Variants in CDV3 observed in about 807,000 individuals in gnomAD.
The protein encoded by CDV3 is CDV3 homolog, also known as protein CDV3 homolog.
A neutral mutation model predicts 24.5 loss-of-function variants in CDV3; 14 were observed. The observed-to-expected ratio is 0.57, with a 90% CI of 0.38 to 0.89. CDV3 has a LOEUF of 0.89. CDV3 is among the 40% of genes least tolerant of loss of function. The pLI, the probability that CDV3 is intolerant of heterozygous loss-of-function variation, is 0.00. For synonymous variants in CDV3, 114 were observed against 114.1 expected (o/e 1.00, Z 0.00); for missense variants, 304 against 310.2 (o/e 0.98, Z 0.15).
At chr3:133,574,699 A>C (rs1372276662) in intron 1 of CDV3, 3 of 1,065,840 alleles carry the variant, frequency 2.8e-6, no homozygotes, top group African/African-American at 3.4e-5. Context: ...GTGATGACTT[A>C]GTCTCTAAGC....
chr3:133,580,618 C>T (rs2074976176), intron 2 of CDV3, among the ~76,000 whole-genome samples: 1 of 152,082 alleles, frequency 6.6e-6, no homozygotes, highest in African/African-American at 2.4e-5. Context: ...AGAAGAATTG[C>T]TTGAACCCGG....
chr3:133,587,461 T>G, intron 4 of CDV3: 1 of 1,143,384 alleles, frequency 8.7e-7, no homozygotes, highest in African/African-American at 1.6e-5. Flanking sequence ...TTACCTGATC[T>G]AATCAGATCC....
rs375682624 is a variant in CDV3, at chr3:133,586,584, C to T, written c.488C>T (p.Ala163Val). Residue 163 changes from alanine (A) to valine (V), a missense_variant, in exon 4 of 5, where the codon GCG (alanine) becomes GTG (valine). Ala to Val is a moderately conservative substitution (Grantham distance 64, BLOSUM62 0). Coordinates refer to ENST00000264993, the MANE Select transcript of CDV3 (RefSeq NM_017548.5). ...TTAGTTACAGAAACCCCAGAACCAGCGATGACTAGTGGTGTGTATAGGCCT... is the reference window on the plus strand; with the variant it reads ...TTAGTTACAGAAACCCCAGAACCAGTGATGACTAGTGGTGTGTATAGGCCT... ...PVIVTETPEP[A>V]MTSGVYRPPG... 7.6e-6 allele frequency: 12 copies of T among 1,588,684 alleles called. No individual in the cohort carries two copies. The highest frequency in any genetic ancestry group is 4.0e-5 in the African/African-American group (3 of 74,302).
chr3:133,579,038 A>G (rs1013083606), intron 2 of CDV3, among the ~76,000 whole-genome samples: 7 of 152,240 alleles, frequency 4.6e-5, no homozygotes, highest in African/African-American at 7.2e-5. Flanking sequence ...TAGAGCCTCT[A>G]GAATCCCACA....
At chr3:133,586,802 C>A in intron 4 of CDV3, 80 bp downstream of exon 4, 1 of 834,162 alleles carries the variant, frequency 1.2e-6, no homozygotes, top group South Asian at 1.5e-5. Flanking sequence ...ATGTGCATAC[C>A]CACCCAAGGG....
chr3:133,574,285 G>T lies in CDV3; in HGVS notation c.240+1G>T. 2 of 982,770 alleles carry T rather than the reference G, an allele frequency of 2.0e-6. No individual in the cohort carries two copies. Among genetic ancestry groups the T allele is most frequent in the Non-Finnish European group, 2.4e-6 (2 of 827,292 alleles). The allele number at this position is 982,770 out of a possible 1,614,324, so 60.9% of individuals were successfully genotyped here. ...GGCCGCCACCAAGGCTGTGACGAAG[G>T]TGAGGGGCCGGGAGGCCGGCACTCG... is the stretch of plus-strand genomic sequence containing the variant. On this transcript the variant is annotated splice_donor_variant, in intron 1 of 4. Coordinates refer to ENST00000264993, the MANE Select transcript of CDV3 (RefSeq NM_017548.5). LOFTEE classifies it high-confidence loss of function.
intron 2 of CDV3, among the ~76,000 whole-genome samples, chr3:133,575,682 A>G (rs974917772): frequency 2.0e-5 from 3 of 152,210 alleles, no homozygotes; most frequent in African/African-American, 7.2e-5. Flanking sequence ...CTAACACCAT[A>G]ATTTTTTCTA....
intron 2 of CDV3, among the ~76,000 whole-genome samples, chr3:133,581,838 C>T (rs534207333): frequency 6.6e-6 from 1 of 152,222 alleles, no homozygotes; most frequent in South Asian, 2.1e-4. Context: ...GACATGAATA[C>T]TACCTCCATG....
At chr3:133,587,152 A>T (rs1440212584) in intron 4 of CDV3, 3 of 1,285,560 alleles carry the variant, frequency 2.3e-6, no homozygotes, top group Non-Finnish European at 3.1e-6. Flanking sequence ...AAATAATCTT[A>T]TTTCAGCAGG....
intron 1 of CDV3, chr3:133,574,545 G>A (rs1011797235): frequency 1.2e-5 from 12 of 985,940 alleles, no homozygotes; most frequent in Non-Finnish European, 1.3e-5. Context: ...CCCTCCGGGG[G>A]CACTAGGTCT....
In CDV3 at chr3:133,588,346, T is replaced by C. The variant is rs1933818207; in HGVS notation, c.*300T>C. The C allele has an allele frequency of 6.5e-7, 1 of 1,536,280 alleles. No homozygotes were observed. Among genetic ancestry groups the C allele is most frequent in the East Asian group, 2.4e-5 (1 of 40,922 alleles). ...CAGTGGTCATTTCAAAATCTTTTTA[T>C]GTTCAGATACTGAGCCTTCATAAGG... On this transcript the variant is annotated 3_prime_UTR_variant, in exon 5 of 5. Transcript: ENST00000264993.
chr3:133,574,536 C>T (rs2074727285), intron 1 of CDV3: 2 of 986,130 alleles, frequency 2.0e-6, no homozygotes, highest in Non-Finnish European at 2.4e-6. Context: ...GCGGCGCCAC[C>T]CTCCGGGGGC....
At position 133,588,035 on chromosome 3, in the gene CDV3, C is replaced by A. The variant is rs1324680817; in HGVS notation, c.766C>A (p.Gln256Lys). 6.2e-7 allele frequency: 1 copy of A among 1,613,224 alleles called. No homozygotes were observed. Among genetic ancestry groups the A allele is most frequent in the South Asian group, 1.1e-5 (1 of 90,978 alleles). Residue 256 changes from glutamine (Q) to lysine (K), a missense_variant, in exon 5 of 5, where the codon CAA becomes AAA. By Grantham distance (53) the Gln-to-Lys change is moderately conservative. Around this residue, in one of 3 missense-constraint regions of CDV3, gnomAD observed 56 missense variants for 50.9 expected, o/e 1.10. Coordinates refer to ENST00000264993, the MANE Select transcript of CDV3 (RefSeq NM_017548.5). Reference sequence around the variant, plus strand: ...TGAAAATCAGAAAAGCAGCCACTCACAATACAATTAAGGAATGGGCTTTGC... The same window carrying A: ...TGAAAATCAGAAAAGCAGCCACTCAAAATACAATTAAGGAATGGGCTTTGC... ...VLENQKSSHS[Q>K]YN is the part of the protein sequence containing the mutation.
At position 133,586,798 on chromosome 3, in the gene CDV3, A is replaced by T. The variant is rs1408594549; in HGVS notation, c.626+76A>T. Reference sequence around the variant, plus strand: ...AGGGAGTGGGATATAGGGGATGTGCATACCCACCCAAGGGAGAGACTACTC... The same window carrying T: ...AGGGAGTGGGATATAGGGGATGTGCTTACCCACCCAAGGGAGAGACTACTC... On this transcript the variant is annotated intron_variant, in intron 4 of 4. Coordinates refer to ENST00000264993, the MANE Select transcript of CDV3 (RefSeq NM_017548.5). 1.8e-4 allele frequency: 154 copies of T among 854,940 alleles called. 2 individuals carry two copies. The East Asian group carries it at 3.8e-3, about 21-fold the overall frequency. 53.0% of individuals were successfully genotyped at this position (854,940 alleles called of 1,614,324 possible).
At chr3:133,583,274 T>C (rs1325438000) in intron 2 of CDV3, among the ~76,000 whole-genome samples, 8 of 152,244 alleles carry the variant, frequency 5.3e-5, no homozygotes, top group Non-Finnish European at 7.3e-5. Flanking sequence ...ATTCTAATTC[T>C]GAGAGTATTT....
chr3:133,574,556 G>A lies in CDV3; in HGVS notation c.240+272G>A, dbSNP rs1008272578. 4.1e-6 allele frequency: 4 copies of A among 985,978 alleles called. No homozygotes were observed. The African/African-American group carries it at 7.0e-5, about 17-fold the overall frequency. 61.1% of individuals were successfully genotyped at this position (985,978 alleles called of 1,614,324 possible). ...GCCACCCTCCGGGGGCACTAGGTCT[G>A]GGGCCGCAGTGCCCAGCACAGAGCA... On this transcript the variant is annotated intron_variant, in intron 1 of 4. Coordinates refer to ENST00000264993, the MANE Select transcript of CDV3 (RefSeq NM_017548.5).
In CDV3 at chr3:133,589,820, GTAAC is replaced by G. The variant is rs753818803; in HGVS notation, c.*1776_*1779del. On this transcript the variant is annotated 3_prime_UTR_variant, in exon 5 of 5. Coordinates refer to ENST00000264993, the MANE Select transcript of CDV3 (RefSeq NM_017548.5). ...CCTGCCTTCTAATATATTTGGGTGA[GTAAC>G]TGAGCCAGCCAAGGGAAGGTTGAAT... is the stretch of plus-strand genomic sequence containing the variant. 14 of 152,360 alleles carry G rather than the reference GTAAC, an allele frequency of 9.2e-5. No individual in the cohort carries two copies. The highest frequency in any genetic ancestry group is 5.8e-4 in the East Asian group (3 of 5,182). 9.4% of individuals were successfully genotyped at this position (152,360 alleles called of 1,614,324 possible).
chr3:133,574,931 ATACT>A (rs2107688687), intron 1 of CDV3, 104 bp from the exon 2 acceptor site: 2 of 797,950 alleles, frequency 2.5e-6, no homozygotes, highest in East Asian at 2.6e-5. Context: ...AGACAAGTAC[ATACT>A]TAGTTTAGGT....
chr3:133,584,133 C>T lies in CDV3; in HGVS notation c.449C>T (p.Pro150Leu). 6.3e-7 allele frequency: 1 copy of T among 1,599,650 alleles called. No individual in the cohort carries two copies. The highest frequency in any genetic ancestry group is 8.5e-7 in the Non-Finnish European group (1 of 1,175,706). Residue 150 changes from proline to leucine, a missense_variant, in exon 3 of 5, where the codon CCT (proline) becomes CTT (leucine). Around this residue, in one of 3 missense-constraint regions of CDV3, gnomAD observed 219 missense variants for 203.6 expected, o/e 1.08. Transcript: ENST00000264993. ...PWNKTAPVQA[P>L]PAPVIVTETP... The stretch of plus-strand genomic sequence containing the variant: ...AATAAAACAGCTCCAGTACAAGCAC[C>T]TCCTGCTCCAGTAATTGGTAATTTT...
Sources: gnomAD v4.1 joint callset for allele counts (sites outside exome capture counted in the v4.1 genomes callset) on GRCh38, gnomAD v4.1.1 for gene constraint, gnomAD v4.1.1 regional missense constraint, MANE v1.5 for transcripts, NCBI Gene and HGNC (gene_info 2026-07-23, HGNC 2026-07-21) for gene names.